The following SMARCA2 variants were observed in gnomAD, a reference collection of about 807,000 sequenced individuals.
The protein encoded by SMARCA2 is SWI/SNF-related matrix-associated actin-dependent regulator of chromatin subfamily A member 2.
A neutral mutation model predicts 199.8 loss-of-function variants in SMARCA2; 61 were observed. The observed-to-expected ratio is 0.31, with a 90% CI of 0.25 to 0.38. The LOEUF (loss-of-function observed/expected upper bound fraction) is 0.38. Among genes scored for constraint, SMARCA2 ranks in the 10% least tolerant of loss-of-function variants. The probability of loss-of-function intolerance (pLI) is 1.00; values close to 1 mark genes in which losing one functional copy is unlikely to be tolerated. For missense variants in SMARCA2, 1,344 were observed against 2,012.2 expected (o/e 0.67, Z 6.35); for synonymous variants, 935 against 732.0 (o/e 1.28, Z -4.48).
Position 2,123,984 on chromosome 9 carries a change from G to C in SMARCA2, c.3981+47G>C. 6.7e-7 allele frequency: 1 copy of C among 1,491,012 alleles called. No homozygotes were observed. The allele number at this position is 1,491,012 out of a possible 1,614,324, so 92.4% of individuals were successfully genotyped here. On this transcript the variant is annotated intron_variant, in intron 27 of 33. Coordinates refer to ENST00000349721, the MANE Select transcript of SMARCA2 (RefSeq NM_003070.5). This position sits in a 1 kb window ranked among gnomAD's most constrained non-coding sequence, Gnocchi z 4.1. ...CGCTCTCACTAGGTGGAGGGTTTTTGGTGGCTTGGAGAAACCAGGGGCCTA... is the reference window on the plus strand; with the variant it reads ...CGCTCTCACTAGGTGGAGGGTTTTTCGTGGCTTGGAGAAACCAGGGGCCTA...
At chr9:2,167,927 G>A (rs527384182) in intron 28 of SMARCA2, among the ~76,000 whole-genome samples, 39 of 152,072 alleles carry the variant, frequency 2.6e-4, no homozygotes, top group Non-Finnish European at 4.3e-4. Context: ...AGTAGGGGTC[G>A]TATGAGCCCC....
At chr9:2,122,312 A>G (rs931501911) in intron 26 of SMARCA2, among the ~76,000 whole-genome samples, 6 of 138,852 alleles carry the variant, frequency 4.3e-5, no homozygotes, top group East Asian at 4.3e-4. Context: ...ATCTCAGTAT[A>G]GGACATTAAC....
Position 2,187,121 on chromosome 9 carries a change from T to A in SMARCA2, c.4594+893T>A, listed in dbSNP as rs543350802. ...GAACTGTGAATTTTGCATAGAATTT[T>A]TTTTTTGCCAGGGGAAGAGGGGTGA... is the stretch of plus-strand genomic sequence containing the variant. On this transcript the variant is annotated intron_variant, in intron 32 of 33. Coordinates refer to ENST00000349721, the MANE Select transcript of SMARCA2 (RefSeq NM_003070.5). Among the ~76,000 whole-genome samples, 4 of 152,276 alleles carry A rather than the reference T, an allele frequency of 2.6e-5. No individual in the cohort carries two copies. The South Asian group carries it at 8.3e-4, about 32-fold the overall frequency.
intron 27 of SMARCA2, 89 bp downstream of exon 27, chr9:2,124,026 AG>A: frequency 9.6e-7 from 1 of 1,036,494 alleles, no homozygotes; most frequent in Non-Finnish European, 1.5e-6. Context: ...GGATTTTCTG[AG>A]GAGGTTGAGT....
At chr9:2,046,811 C>A (rs964957791) in intron 4 of SMARCA2, among the ~76,000 whole-genome samples, 2 of 152,082 alleles carry the variant, frequency 1.3e-5, no homozygotes, top group African/African-American at 4.8e-5. Flanking sequence ...TCTGAACTCT[C>A]AATGCACCTG....
intron 6 of SMARCA2, among the ~76,000 whole-genome samples, chr9:2,054,930 A>T (rs1053299279): frequency 6.6e-6 from 1 of 152,360 alleles, no homozygotes; most frequent in South Asian, 2.1e-4. Flanking sequence ...TCTCTTCTGT[A>T]TATGGGAAAG....
At chr9:2,066,542 C>T (rs962844489) in intron 9 of SMARCA2, among the ~76,000 whole-genome samples, 4 of 152,148 alleles carry the variant, frequency 2.6e-5, no homozygotes, top group African/African-American at 4.8e-5. Context: ...TATGAGTAAT[C>T]TTTAGTTATG....
At chr9:2,022,043 C>G (rs1280652359) in intron 1 of SMARCA2, 1 of 149,382 alleles carries the variant, frequency 6.7e-6, no homozygotes, top group African/African-American at 2.6e-5. Flanking sequence ...GACCGGTTGC[C>G]TGGAGCAAGA....
chr9:2,097,569 A>C, intron 21 of SMARCA2, 98 bp downstream of exon 21: 1 of 712,980 alleles, frequency 1.4e-6, no homozygotes, highest in Non-Finnish European at 2.4e-6. Flanking sequence ...ACCAAAATAG[A>C]TTTAAAACAT....
At chr9:2,106,238 A>G (rs1365245933) in intron 23 of SMARCA2, among the ~76,000 whole-genome samples, 2 of 152,232 alleles carry the variant, frequency 1.3e-5, no homozygotes, top group African/African-American at 4.8e-5. Context: ...AAATTAGCTG[A>G]GTTTTAGCAG....
At chr9:2,168,295 G>T (rs1462508402) in intron 28 of SMARCA2, among the ~76,000 whole-genome samples, 1 of 152,170 alleles carries the variant, frequency 6.6e-6, no homozygotes, top group Non-Finnish European at 1.5e-5. Context: ...ACAGGCGTGA[G>T]CCACCATGCC....
intron 29 of SMARCA2, among the ~76,000 whole-genome samples, chr9:2,177,966 T>A (rs973881883): frequency 3.9e-5 from 6 of 152,020 alleles, no homozygotes; most frequent in African/African-American, 1.5e-4. Flanking sequence ...GTCACCAGTT[T>A]AGAGTCATAG....
rs1166777035 is a variant in SMARCA2, at chr9:2,119,573, A to G, written c.3762+38A>G. 2 of 1,366,858 alleles carry G rather than the reference A, an allele frequency of 1.5e-6. No homozygotes were observed. The highest frequency in any genetic ancestry group is 1.4e-5 in the African/African-American group (1 of 70,084). The allele number at this position is 1,366,858 out of a possible 1,614,324, so 84.7% of individuals were successfully genotyped here. ...AAAATCATGAACACAAATGCTTTAT[A>G]CCTCTGCCCCTTTTTCTGTTAAGCA... On this transcript the variant is annotated intron_variant, in intron 26 of 33. Coordinates refer to ENST00000349721, the MANE Select transcript of SMARCA2 (RefSeq NM_003070.5). The surrounding 1 kb of genome is among the most constrained non-coding windows in gnomAD (Gnocchi z 4.6).
At chr9:2,060,106 C>T (rs149544896) in intron 8 of SMARCA2, among the ~76,000 whole-genome samples, 1,693 of 107,068 alleles carry the variant, frequency 0.016, 21 homozygotes, top group Middle Eastern at 0.046. Context: ...TTACTCAGTG[C>T]AGATCTGTGG....
At chr9:2,156,829 T>C (rs977914237) in intron 27 of SMARCA2, among the ~76,000 whole-genome samples, 1 of 152,204 alleles carries the variant, frequency 6.6e-6, no homozygotes, top group African/African-American at 2.4e-5. Context: ...TTTTCCGTTA[T>C]CTCAAACTGA....
At position 2,119,570 on chromosome 9, in the gene SMARCA2, T is replaced by C. The variant is rs750762710; in HGVS notation, c.3762+35T>C. The stretch of plus-strand genomic sequence containing the variant: ...CAGAAAATCATGAACACAAATGCTT[T>C]ATACCTCTGCCCCTTTTTCTGTTAA... On this transcript the variant is annotated intron_variant, in intron 26 of 33. Transcript: ENST00000349721. The surrounding 1 kb of genome is among the most constrained non-coding windows in gnomAD (Gnocchi z 4.6). The C allele has an allele frequency of 6.0e-5, 83 of 1,393,302 alleles. No homozygotes were observed. The highest frequency in any genetic ancestry group is 7.9e-5 in the Non-Finnish European group (77 of 980,234). The allele number at this position is 1,393,302 out of a possible 1,614,324, so 86.3% of individuals were successfully genotyped here. A position where few individuals can be genotyped will look rare whatever the true frequency, so the allele number is the denominator to read the frequency against.
At chr9:2,048,581 C>T (rs1373123531) in intron 5 of SMARCA2, among the ~76,000 whole-genome samples, 1 of 152,198 alleles carries the variant, frequency 6.6e-6, no homozygotes, top group South Asian at 2.1e-4. Flanking sequence ...GCACATCACT[C>T]ATTTCTTATC....
At position 2,148,611 on chromosome 9, in the gene SMARCA2, A is replaced by C. The variant is rs542647829; in HGVS notation, c.3982-13075A>C. 1.7e-3 allele frequency among the ~76,000 whole-genome samples: 253 copies of C among 151,506 alleles called. 3 individuals are homozygous for C. Among genetic ancestry groups the C allele is most frequent in the African/African-American group, 5.7e-3 (235 of 41,488 alleles). Reference sequence around the variant, plus strand: ...ACCCATTAACTCGTCATTTAGCATTAGGTATAAGGAGATGTTTTCTTTCTT... The same window carrying C: ...ACCCATTAACTCGTCATTTAGCATTCGGTATAAGGAGATGTTTTCTTTCTT... On this transcript the variant is annotated intron_variant, in intron 27 of 33. Coordinates refer to ENST00000349721, the MANE Select transcript of SMARCA2 (RefSeq NM_003070.5).
intron 29 of SMARCA2, among the ~76,000 whole-genome samples, chr9:2,177,517 A>C (rs1304868881): frequency 1.3e-5 from 2 of 152,172 alleles, no homozygotes; most frequent in African/African-American, 4.8e-5. Context: ...CTGGAAAAAA[A>C]AATCATTAAA....
Sources: allele counts gnomAD v4.1 joint callset (sites outside exome capture counted in the v4.1 genomes callset), GRCh38; gene constraint gnomAD v4.1.1; non-coding constraint Gnocchi (gnomAD v3.1); transcripts MANE v1.5; gene names NCBI Gene and HGNC (gene_info 2026-07-23, HGNC 2026-07-21).